The following SCARA5 variants were observed in gnomAD, a reference collection of about 807,000 sequenced individuals.
SCARA5 encodes the protein scavenger receptor class A member 5.
SCARA5 carries 45 observed loss-of-function variants against 46.3 expected under a neutral mutation model. That is an observed-to-expected ratio of 0.97 (90% CI 0.76 to 1.24). The LOEUF is 1.24. SCARA5 is among the 50% of genes most tolerant of loss of function. The pLI, the probability that SCARA5 is intolerant of heterozygous loss-of-function variation, is 0.00. For missense variants in SCARA5, 680 were observed against 689.0 expected (o/e 0.99, Z 0.15); for synonymous variants, 333 against 306.5 (o/e 1.09, Z -0.90).
At position 27,922,046 on chromosome 8, in the gene SCARA5, C is replaced by T; in HGVS notation, c.441G>A (p.Gln147=). The T allele has an allele frequency of 6.3e-7, 1 of 1,576,906 alleles. No homozygotes were observed. Among genetic ancestry groups the T allele is most frequent in the South Asian group, 1.1e-5 (1 of 87,112 alleles). Residue 147 remains glutamine (Q), a synonymous_variant, in exon 4 of 9, where the codon CAG becomes CAA. Coordinates refer to ENST00000354914, the MANE Select transcript of SCARA5 (RefSeq NM_173833.6). ...DSLLALAGAV[Q]RLEGALWGLQ... ...GCCCCCACAGCGCGCCCTCCAGCCGCTGCACTGCGCCCGCCAGCGCCAGCA... is the reference window on the plus strand; with the variant it reads ...GCCCCCACAGCGCGCCCTCCAGCCGTTGCACTGCGCCCGCCAGCGCCAGCA...
At chr8:27,904,474 A>G in intron 7 of SCARA5, 1 of 518,392 alleles carries the variant, frequency 1.9e-6, no homozygotes, top group Non-Finnish European at 3.4e-6. Context: ...CCTATTTTAT[A>G]GATGAGAACA....
At chr8:27,904,876 T>A in intron 6 of SCARA5, 42 bp from the exon 7 acceptor site, 1 of 1,494,580 alleles carries the variant, frequency 6.7e-7, no homozygotes, top group Non-Finnish European at 9.2e-7. Context: ...TGGAAAGAAA[T>A]CCTAATTGTG....
chr8:27,948,058 G>A (rs566380667), intron 3 of SCARA5, among the ~76,000 whole-genome samples: 2 of 152,274 alleles, frequency 1.3e-5, no homozygotes, highest in African/African-American at 2.4e-5. Flanking sequence ...GGTGGCGATG[G>A]TTGCACGGCA....
chr8:27,977,423 G>A (rs1031897397), intron 2 of SCARA5, among the ~76,000 whole-genome samples: 10 of 152,018 alleles, frequency 6.6e-5, no homozygotes, highest in East Asian at 3.9e-4. Context: ...ATCTGCCACC[G>A]GACTCCCAGC....
intron 2 of SCARA5, among the ~76,000 whole-genome samples, chr8:27,985,388 G>A (rs1220133112): frequency 6.6e-6 from 1 of 152,154 alleles, no homozygotes; most frequent in Admixed American, 6.5e-5. Flanking sequence ...GCCAAGGTTG[G>A]GGCAGCACAG....
chr8:27,962,577 G>C (rs2685405), intron 3 of SCARA5, among the ~76,000 whole-genome samples: 70,073 of 151,954 alleles, frequency 0.46, 16,453 homozygotes, highest in Admixed American at 0.52. Flanking sequence ...GATGGACATG[G>C]GCTCTGAGCA....
At chr8:27,953,314 G>A (rs1019318177) in intron 3 of SCARA5, among the ~76,000 whole-genome samples, 1 of 152,210 alleles carries the variant, frequency 6.6e-6, no homozygotes, top group Non-Finnish European at 1.5e-5. Flanking sequence ...AGGATGCGGT[G>A]GGCCACCCAC....
chr8:27,987,169 T>A (rs778782216), intron 2 of SCARA5, among the ~76,000 whole-genome samples: 16 of 152,172 alleles, frequency 1.1e-4, no homozygotes, highest in Non-Finnish European at 2.4e-4. Context: ...ACTGACTGGC[T>A]CAGAGGCCCT....
chr8:27,886,043 T>C (rs1324711022), intron 7 of SCARA5: 1 of 154,720 alleles, frequency 6.5e-6, no homozygotes, highest in African/African-American at 2.4e-5. Context: ...CCTGCAGGGC[T>C]CCTATGGTCT....
chr8:27,887,999 A>C (rs765067222), intron 7 of SCARA5, among the ~76,000 whole-genome samples: 1 of 152,198 alleles, frequency 6.6e-6, no homozygotes, highest in Non-Finnish European at 1.5e-5. Context: ...CCCAGAACCA[A>C]ATGGATTTGC....
In SCARA5 at chr8:27,909,690, C is replaced by G; in HGVS notation, c.970G>C (p.Gly324Arg). 6.4e-7 allele frequency: 1 copy of G among 1,551,474 alleles called. No homozygotes were observed. Residue 324 changes from glycine (G) to arginine (R), a missense_variant, in exon 5 of 9, where the codon GGC becomes CGC. By Grantham distance (125) the Gly-to-Arg change is moderately radical. This residue lies in a region of SCARA5 where 219 missense variants were observed against 269.5 expected (regional missense o/e 0.81). Transcript: ENST00000354914. The part of the protein sequence containing the change: ...QGDEGKEGRP[G>R]IPGLPGLRGL... ...CGAAGTCCAGGCAATCCAGGGATGC[C>G]AGGCCTGCCTTCCTTTCCTTCATCC...
intron 5 of SCARA5, 130 bp from the exon 6 acceptor site, chr8:27,907,376 T>C (rs546019606): frequency 3.4e-6 from 2 of 595,962 alleles, no homozygotes; most frequent in Non-Finnish European, 5.8e-6. Flanking sequence ...GGCTTTTTTC[T>C]GTTAATCTAA....
At chr8:27,977,124 G>A (rs569362792) in intron 2 of SCARA5, among the ~76,000 whole-genome samples, 1 of 152,326 alleles carries the variant, frequency 6.6e-6, no homozygotes, top group East Asian at 1.9e-4. Context: ...ATGGCAGCAA[G>A]AGAGTGAGGG....
At chr8:27,873,605 A>G (rs1409311003) in intron 8 of SCARA5, among the ~76,000 whole-genome samples, 3 of 151,632 alleles carry the variant, frequency 2.0e-5, no homozygotes, top group Non-Finnish European at 4.4e-5. Flanking sequence ...ACCTACCCAA[A>G]TCCTATAAAA....
chr8:27,961,502 T>C (rs1340847850), intron 3 of SCARA5, among the ~76,000 whole-genome samples: 1 of 152,198 alleles, frequency 6.6e-6, no homozygotes, highest in Non-Finnish European at 1.5e-5. Flanking sequence ...CTTTATAAGT[T>C]ATCCCATGTT....
intron 7 of SCARA5, among the ~76,000 whole-genome samples, chr8:27,893,204 T>G (rs528920302): frequency 6.6e-6 from 1 of 152,302 alleles, no homozygotes; most frequent in South Asian, 2.1e-4. Context: ...TCCCCAGGGC[T>G]TGGTTCCTGG....
intron 7 of SCARA5, among the ~76,000 whole-genome samples, chr8:27,892,691 C>T (rs925120258): frequency 2.7e-5 from 4 of 150,074 alleles, no homozygotes; most frequent in Non-Finnish European, 4.4e-5. Flanking sequence ...CTCACTCAAG[C>T]CCCGCCTCCG....
At chr8:27,872,144 GC>G in intron 8 of SCARA5, 74 bp from the exon 9 acceptor site, 2 of 1,536,788 alleles carry the variant, frequency 1.3e-6, no homozygotes, top group Non-Finnish European at 1.8e-6. Context: ...GCATAACTGT[GC>G]CTGCCCTTGA....
chr8:27,871,900 T>G lies in SCARA5; in HGVS notation c.*34A>C, dbSNP rs1806644619. ...CCCCAGGGATGCAGGAAGGGTGCTC[T>G]GTGCAGGACCCCGAACTTGGGCTCT... On this transcript the variant is annotated 3_prime_UTR_variant, in exon 9 of 9. Coordinates refer to ENST00000354914, the MANE Select transcript of SCARA5 (RefSeq NM_173833.6). The G allele has an allele frequency of 1.2e-6, 2 of 1,613,090 alleles. No individual in the cohort carries two copies. The highest frequency in any genetic ancestry group is 1.7e-6 in the Non-Finnish European group (2 of 1,179,926).
Sources: gnomAD v4.1 joint callset for allele counts (sites outside exome capture counted in the v4.1 genomes callset) on GRCh38, gnomAD v4.1.1 for gene constraint, gnomAD v4.1.1 regional missense constraint, MANE v1.5 for transcripts, NCBI Gene and HGNC (gene_info 2026-07-23, HGNC 2026-07-21) for gene names.